Variants in HEMK2 observed in about 807,000 individuals in gnomAD.
The protein encoded by HEMK2 is methyltransferase HEMK2.
the HEMK2 span, among the ~76,000 whole-genome samples, chr21:28,690,447 A>G: frequency 2.0e-5 from 3 of 152,214 alleles, no homozygotes; most frequent in African/African-American, 7.2e-5. Context: ...CTCATAGCAG[A>G]GAAGCAAGTC....
chr21:28,759,184 TC>T, the HEMK2 span, among the ~76,000 whole-genome samples: 1 of 152,172 alleles, frequency 6.6e-6, no homozygotes, highest in Non-Finnish European at 1.5e-5. Flanking sequence ...ATTAGCAAGA[TC>T]CCAGCATTTT....
chr21:28,771,893 C>T, the HEMK2 span, among the ~76,000 whole-genome samples: 1 of 151,990 alleles, frequency 6.6e-6, no homozygotes, highest in Non-Finnish European at 1.5e-5. Flanking sequence ...TCCTGGAATC[C>T]TGTCCCAAGA....
At chr21:28,713,983 C>T in the HEMK2 span, among the ~76,000 whole-genome samples, 1 of 152,274 alleles carries the variant, frequency 6.6e-6, no homozygotes, top group African/African-American at 2.4e-5. Context: ...GAATAATGGA[C>T]CTGGAATTTG....
chr21:28,850,385 C>T, the HEMK2 span, among the ~76,000 whole-genome samples: 22,261 of 151,814 alleles, frequency 0.15, 3,080 homozygotes, highest in African/African-American at 0.35. Context: ...CCACCACGCC[C>T]GGCTAATTTT....
At chr21:28,718,692 T>G in the HEMK2 span, among the ~76,000 whole-genome samples, 1 of 152,082 alleles carries the variant, frequency 6.6e-6, no homozygotes, top group African/African-American at 2.4e-5. Flanking sequence ...TATAATAGAA[T>G]CACTACATAT....
chr21:28,639,771 C>T, the HEMK2 span, among the ~76,000 whole-genome samples: 2 of 152,116 alleles, frequency 1.3e-5, no homozygotes, highest in African/African-American at 2.4e-5. Flanking sequence ...GTGGTTCAGA[C>T]GAGGAACCCT....
At chr21:28,676,566 A>G in the HEMK2 span, among the ~76,000 whole-genome samples, 1 of 152,166 alleles carries the variant, frequency 6.6e-6, no homozygotes, top group Non-Finnish European at 1.5e-5. Flanking sequence ...GGGGGTCCCG[A>G]GAGAAACTCC....
At chr21:28,621,038 C>G in the HEMK2 span, among the ~76,000 whole-genome samples, 1 of 151,982 alleles carries the variant, frequency 6.6e-6, no homozygotes, top group Admixed American at 6.6e-5. Context: ...AAAACCAGCT[C>G]CTGGAATCAT....
the HEMK2 span, among the ~76,000 whole-genome samples, chr21:28,739,113 C>A: frequency 6.6e-6 from 1 of 152,168 alleles, no homozygotes; most frequent in Admixed American, 6.5e-5. Context: ...TTCACAGATA[C>A]CCTTTTGAGA....
At chr21:28,792,913 C>T in the HEMK2 span, among the ~76,000 whole-genome samples, 1 of 152,072 alleles carries the variant, frequency 6.6e-6, no homozygotes, top group South Asian at 2.1e-4. Flanking sequence ...CTAAAGCTCC[C>T]CAGAGGATTC....
the HEMK2 span, among the ~76,000 whole-genome samples, chr21:28,788,847 G>A: frequency 6.6e-6 from 1 of 152,046 alleles, no homozygotes; most frequent in African/African-American, 2.4e-5. Context: ...GGATTAGGTA[G>A]GGCCCTAATA....
chr21:28,782,287 C>T, the HEMK2 span, among the ~76,000 whole-genome samples: 1 of 152,272 alleles, frequency 6.6e-6, no homozygotes, highest in Admixed American at 6.5e-5. Flanking sequence ...ATAATATACA[C>T]ATAATATTAG....
chr21:28,726,563 T>C, the HEMK2 span, among the ~76,000 whole-genome samples: 7 of 152,224 alleles, frequency 4.6e-5, no homozygotes, highest in Non-Finnish European at 1.0e-4. Context: ...TTCACTTCTT[T>C]GAGATTTTTT....
the HEMK2 span, among the ~76,000 whole-genome samples, chr21:28,816,775 C>T: frequency 1.1e-4 from 17 of 152,130 alleles, no homozygotes; most frequent in Non-Finnish European, 2.1e-4. Context: ...TAAAATGCTG[C>T]GCAAAGAAAA....
the HEMK2 span, among the ~76,000 whole-genome samples, chr21:28,869,028 T>C: frequency 1.1e-4 from 17 of 152,086 alleles, no homozygotes; most frequent in African/African-American, 4.1e-4. Flanking sequence ...AAATGTTGAA[T>C]AGGAGTGGTA....
the HEMK2 span, among the ~76,000 whole-genome samples, chr21:28,805,244 T>C: frequency 2.0e-5 from 3 of 152,236 alleles, no homozygotes; most frequent in Non-Finnish European, 4.4e-5. Context: ...ATTTGCACTC[T>C]GACTGAAATA....
chr21:28,782,359 A>G, the HEMK2 span, among the ~76,000 whole-genome samples: 3 of 152,240 alleles, frequency 2.0e-5, no homozygotes, highest in South Asian at 6.2e-4. Context: ...CACTCTAGGC[A>G]AAAGGAATGG....
the HEMK2 span, among the ~76,000 whole-genome samples, chr21:28,625,872 A>T: frequency 8.5e-5 from 13 of 152,342 alleles, no homozygotes; most frequent in East Asian, 2.5e-3. Flanking sequence ...AACAACAAGG[A>T]TGAATATATT....
At chr21:28,761,972 T>C in the HEMK2 span, among the ~76,000 whole-genome samples, 1 of 152,136 alleles carries the variant, frequency 6.6e-6, no homozygotes, top group Non-Finnish European at 1.5e-5. Flanking sequence ...CATGATATAC[T>C]TCCAAATGTG....
Sources: allele counts gnomAD v4.1 joint callset (sites outside exome capture counted in the v4.1 genomes callset), GRCh38; gene constraint gnomAD v4.1.1; transcripts MANE v1.5; gene names NCBI Gene and HGNC (gene_info 2026-07-23, HGNC 2026-07-21).